Variants in DYNC1I2 observed in about 807,000 individuals in gnomAD.
DYNC1I2 encodes the protein dynein cytoplasmic 1 intermediate chain 2.
Under a neutral mutation model 88.6 loss-of-function variants are expected in DYNC1I2, and 53 were observed. The ratio of observed to expected loss-of-function variants is 0.60; its 90% CI spans 0.48 to 0.75. The LOEUF (loss-of-function observed/expected upper bound fraction) is 0.75, where lower values mean the gene tolerates loss of function less well. Among genes scored for constraint, DYNC1I2 ranks in the 30% least tolerant of loss-of-function variants. The pLI, the probability that DYNC1I2 is intolerant of heterozygous loss-of-function variation, is 0.00. For synonymous variants in DYNC1I2, 198 were observed against 254.6 expected (o/e 0.78, Z 2.12); for missense variants, 458 against 766.6 (o/e 0.60, Z 4.75).
chr2:171,688,442 C>T (rs1287727357), intron 1 of DYNC1I2: 1 of 152,094 alleles, frequency 6.6e-6, no homozygotes, highest in Non-Finnish European at 1.5e-5. Context: ...ATTTTAATAT[C>T]AATTAGTGTT....
chr2:171,729,653 T>C (rs1474776324), intron 14 of DYNC1I2, 56 bp from the exon 15 acceptor site: 7 of 1,580,488 alleles, frequency 4.4e-6, no homozygotes, highest in Non-Finnish European at 5.2e-6. Context: ...AAAATGTGTA[T>C]GTAATTGGTC....
At chr2:171,696,479 G>A (rs1273375491) in intron 3 of DYNC1I2, among the ~76,000 whole-genome samples, 1 of 151,938 alleles carries the variant, frequency 6.6e-6, no homozygotes, top group Non-Finnish European at 1.5e-5. Flanking sequence ...ACCCTTTTTT[G>A]TGTGCTTTTG....
intron 13 of DYNC1I2, 70 bp from the exon 14 acceptor site, chr2:171,728,647 C>A: frequency 7.6e-7 from 1 of 1,307,532 alleles, no homozygotes; most frequent in Non-Finnish European, 1.0e-6. Context: ...CAATCAAAGA[C>A]TAGAAGTTTT....
chr2:171,692,952 A>G (rs1356538845), intron 3 of DYNC1I2, 58 bp downstream of exon 3: 1 of 1,202,118 alleles, frequency 8.3e-7, no homozygotes, highest in African/African-American at 1.5e-5. Flanking sequence ...TTCAGCTCAG[A>G]CATAGCTGAG....
intron 6 of DYNC1I2, 86 bp downstream of exon 6, chr2:171,712,912 A>T (rs1292601389): frequency 9.6e-6 from 11 of 1,143,714 alleles, no homozygotes; most frequent in African/African-American, 1.5e-5. Flanking sequence ...GCTTAAGTTT[A>T]TAATATTGTA....
In DYNC1I2 at chr2:171,728,804, G is replaced by T. The variant is rs1231440103; in HGVS notation, c.1345G>T (p.Val449Phe). The T allele has an allele frequency of 1.2e-6, 2 of 1,611,344 alleles. No individual in the cohort carries two copies. Among genetic ancestry groups the T allele is most frequent in the Admixed American group, 3.4e-5 (2 of 59,606 alleles). ...TGTTGGAGATGTCAACAACTTTGTT[G>T]TTGGGAGTGAAGAAGGTTCTGTGTA... ...FPVGDVNNFV[V>F]GSEEGSVYTA... Residue 449 changes from valine to phenylalanine, a missense_variant, in exon 14 of 18, where the codon GTT (valine) becomes TTT (phenylalanine). Physicochemically the swap from Val to Phe is conservative, Grantham distance 50. Around this residue, in one of 5 missense-constraint regions of DYNC1I2, gnomAD observed 188 missense variants for 300.4 expected, o/e 0.63. Coordinates refer to ENST00000397119, the MANE Select transcript of DYNC1I2 (RefSeq NM_001378.3).
Position 171,706,899 on chromosome 2 carries a change from A to G in DYNC1I2, c.244+335A>G, listed in dbSNP as rs181375645. The G allele has an allele frequency of 1.3e-3, 534 of 399,382 alleles. 2 individuals carry two copies. Among genetic ancestry groups the G allele is most frequent in the Non-Finnish European group, 1.8e-3 (412 of 225,824 alleles). The allele number at this position is 399,382 out of a possible 1,614,324, so 24.7% of individuals were successfully genotyped here. A position where few individuals can be genotyped will look rare whatever the true frequency, so the allele number is the denominator to read the frequency against. ...ATTTCAGAGTTGAATTTTGGCAGCA[A>G]TTGTAAATAATATTTATAATCTGGT... is the stretch of plus-strand genomic sequence containing the variant. On this transcript the variant is annotated intron_variant, in intron 4 of 17. Transcript: ENST00000397119.
chr2:171,707,387 T>G lies in DYNC1I2; in HGVS notation c.335+10T>G, dbSNP rs1559374108. ...GCGCCGTGGGATCTAGGTACAGTAA[T>G]TTTCCTTTTAATGTTTTAATGATAG... On this transcript the variant is annotated intron_variant, in intron 5 of 17. Coordinates refer to ENST00000397119, the MANE Select transcript of DYNC1I2 (RefSeq NM_001378.3). 6.2e-7 allele frequency: 1 copy of G among 1,603,002 alleles called. No individual in the cohort carries two copies. The highest frequency in any genetic ancestry group is 2.2e-5 in the East Asian group (1 of 44,592).
intron 14 of DYNC1I2, 131 bp from the exon 15 acceptor site, chr2:171,729,578 T>G (rs774621805): frequency 4.4e-6 from 4 of 904,428 alleles, no homozygotes; most frequent in Non-Finnish European, 6.6e-6. Context: ...TTAATTCTGA[T>G]AAGTTATGAG....
At chr2:171,738,225 G>A (rs1022106585) in intron 15 of DYNC1I2, among the ~76,000 whole-genome samples, 10 of 152,060 alleles carry the variant, frequency 6.6e-5, no homozygotes, top group South Asian at 6.3e-4. Flanking sequence ...CCAGCTACTC[G>A]GGAGGCTGAG....
intron 7 of DYNC1I2, 51 bp downstream of exon 7, chr2:171,715,494 A>G (rs1447673080): frequency 6.1e-6 from 7 of 1,139,796 alleles, no homozygotes; most frequent in Non-Finnish European, 8.5e-6. Flanking sequence ...TGTTAAATAC[A>G]TAGATTCTTT....
At chr2:171,745,286 A>G (rs922349289) in intron 16 of DYNC1I2, among the ~76,000 whole-genome samples, 1 of 152,140 alleles carries the variant, frequency 6.6e-6, no homozygotes, top group Admixed American at 6.5e-5. Flanking sequence ...CAGCTAGCTC[A>G]TGGAACAAGA....
intron 15 of DYNC1I2, among the ~76,000 whole-genome samples, chr2:171,730,493 A>G (rs1413941066): frequency 2.0e-5 from 3 of 152,250 alleles, no homozygotes; most frequent in Non-Finnish European, 4.4e-5. Flanking sequence ...GCAATTCCAG[A>G]TAAATGTGAC....
intron 15 of DYNC1I2, among the ~76,000 whole-genome samples, chr2:171,737,083 T>C (rs1181028162): frequency 2.6e-5 from 4 of 152,222 alleles, no homozygotes; most frequent in Admixed American, 2.6e-4. Context: ...CTAGTTACTT[T>C]TGGAGGTTCT....
chr2:171,703,092 A>G (rs1686393301), intron 3 of DYNC1I2, among the ~76,000 whole-genome samples: 1 of 152,206 alleles, frequency 6.6e-6, no homozygotes, highest in African/African-American at 2.4e-5. Flanking sequence ...AGCAAGGAGA[A>G]TATATTACTT....
intron 15 of DYNC1I2, among the ~76,000 whole-genome samples, chr2:171,738,065 C>T (rs1473397618): frequency 6.6e-6 from 1 of 151,976 alleles, no homozygotes; most frequent in Non-Finnish European, 1.5e-5. Context: ...GGCGCAGTAG[C>T]TAACGACTGT....
In DYNC1I2 at chr2:171,747,954, T is replaced by G. The variant is rs1689916317; in HGVS notation, c.*65T>G. 1 of 1,175,258 alleles carries G rather than the reference T, an allele frequency of 8.5e-7. No individual in the cohort carries two copies. Among genetic ancestry groups the G allele is most frequent in the South Asian group, 1.4e-5 (1 of 70,688 alleles). The allele number at this position is 1,175,258 out of a possible 1,614,324, so 72.8% of individuals were successfully genotyped here. ...GTTCTTAAGTAGATCCTGAGACTAT[T>G]TGCATGCTTCTGTCTAAATGATAAT... On this transcript the variant is annotated 3_prime_UTR_variant, in exon 18 of 18. Coordinates refer to ENST00000397119, the MANE Select transcript of DYNC1I2 (RefSeq NM_001378.3).
chr2:171,727,814 T>C lies in DYNC1I2; in HGVS notation c.997-7T>C, dbSNP rs778437261. 16 of 1,608,914 alleles carry C rather than the reference T, an allele frequency of 9.9e-6. No individual in the cohort carries two copies. The highest frequency in any genetic ancestry group is 5.9e-6 in the Non-Finnish European group (7 of 1,178,176). On this transcript the variant is annotated splice_polypyrimidine_tract_variant and splice_region_variant and intron_variant, in intron 11 of 17. Coordinates refer to ENST00000397119, the MANE Select transcript of DYNC1I2 (RefSeq NM_001378.3). ...ATCTCAAGTATAAAAATCTTACTTATTTGCAGTCAGCTGTGATGTCTGCCA... is the reference window on the plus strand; with the variant it reads ...ATCTCAAGTATAAAAATCTTACTTACTTGCAGTCAGCTGTGATGTCTGCCA...
intron 2 of DYNC1I2, 46 bp downstream of exon 2, chr2:171,690,309 G>C: frequency 7.4e-7 from 1 of 1,352,182 alleles, no homozygotes; most frequent in Non-Finnish European, 1.0e-6. Context: ...AAGTAATTGG[G>C]TTTTATTTCA....
Sources: allele counts gnomAD v4.1 joint callset (sites outside exome capture counted in the v4.1 genomes callset), GRCh38; gene constraint gnomAD v4.1.1; regional missense constraint gnomAD v4.1.1; transcripts MANE v1.5; gene names NCBI Gene and HGNC (gene_info 2026-07-23, HGNC 2026-07-21).